PABPC1: variants seen among roughly 807,000 people sequenced by gnomAD.
The protein encoded by PABPC1 is polyadenylate-binding protein 1.
PABPC1 carries 4 observed loss-of-function variants against 74.0 expected under a neutral mutation model. The observed-to-expected ratio is 0.05, with a 90% confidence interval of 0.03 to 0.12. PABPC1 has a LOEUF of 0.12. Ranked by LOEUF, PABPC1 falls within the 10% of genes least tolerant of loss-of-function variation. The probability of loss-of-function intolerance (pLI) is 1.00; values close to 1 mark genes in which losing one functional copy is unlikely to be tolerated. For missense variants in PABPC1, 271 were observed against 821.1 expected (o/e 0.33, Z 8.19); for synonymous variants, 227 against 264.1 (o/e 0.86, Z 1.36).
rs564276728 is a variant in PABPC1, at chr8:100,713,189, AT to A, written c.644-9del. On this transcript the variant is annotated splice_polypyrimidine_tract_variant and intron_variant, in intron 4 of 14. Coordinates refer to ENST00000318607, the MANE Select transcript of PABPC1 (RefSeq NM_002568.4). ...TCACACTTAAGGCAGGCCCTAAAAA[AT>A]TTTTTTACATAAATCAAAGATATTC... is the stretch of plus-strand genomic sequence containing the variant. The A allele has an allele frequency of 1.6e-5, 23 of 1,467,306 alleles. No individual in the cohort carries two copies. In the Admixed American group the frequency reaches 1.7e-4, roughly 11 times the overall value. 90.9% of individuals were successfully genotyped at this position (1,467,306 alleles called of 1,614,324 possible). A position where few individuals can be genotyped will look rare whatever the true frequency, so the allele number is the denominator to read the frequency against.
Position 100,713,201 on chromosome 8 carries a change from A to C in PABPC1, c.644-20T>G. On this transcript the variant is annotated intron_variant, in intron 4 of 14. Transcript: ENST00000318607. ...CAGGCCCTAAAAAATTTTTTTACAT[A>C]AATCAAAGATATTCCATACAACATT... 5 of 1,381,130 alleles carry C rather than the reference A, an allele frequency of 3.6e-6. No homozygotes were observed. Among genetic ancestry groups the C allele is most frequent in the Non-Finnish European group, 4.0e-6 (4 of 994,910 alleles). The allele number at this position is 1,381,130 out of a possible 1,614,324, so 85.6% of individuals were successfully genotyped here. A position where few individuals can be genotyped will look rare whatever the true frequency, so the allele number is the denominator to read the frequency against.
chr8:100,707,396 C>G (rs1810408382), intron 9 of PABPC1, among the ~76,000 whole-genome samples: 1 of 151,786 alleles, frequency 6.6e-6, no homozygotes, highest in Non-Finnish European at 1.5e-5. Flanking sequence ...GGAAACAAAA[C>G]ACAAGGGGCA....
chr8:100,715,604 A>G lies in PABPC1; in HGVS notation c.504-3T>C, dbSNP rs756054839. On this transcript the variant is annotated splice_region_variant and splice_polypyrimidine_tract_variant and intron_variant, in intron 3 of 14. Transcript: ENST00000318607. ...GAGACTTAAATCGTCCAACAAATCT[A>G]ATAAGATATACAAGGACTATAACAT... The G allele has an allele frequency of 2.5e-6, 4 of 1,600,038 alleles. No homozygotes were observed. Among genetic ancestry groups the G allele is most frequent in the East Asian group, 2.2e-5 (1 of 44,780 alleles).
Position 100,712,808 on chromosome 8 carries a change from G to GAAAAAA in PABPC1, c.739-25_739-20dup. 7.3e-7 allele frequency: 1 copy of GAAAAAA among 1,368,436 alleles called. No individual in the cohort carries two copies. Among genetic ancestry groups the GAAAAAA allele is most frequent in the Non-Finnish European group, 9.8e-7 (1 of 1,020,898 alleles). The allele number at this position is 1,368,436 out of a possible 1,614,324, so 84.8% of individuals were successfully genotyped here. ...CCACAGCCTTCCCCCCAAAAAAAAA[G>GAAAAAA]AAAAAAAAAAAATCACAAAACTTTC... On this transcript the variant is annotated intron_variant, in intron 5 of 14. Coordinates refer to ENST00000318607, the MANE Select transcript of PABPC1 (RefSeq NM_002568.4).
chr8:100,709,809 T>C, intron 7 of PABPC1, 78 bp from the exon 8 acceptor site: 1 of 1,348,986 alleles, frequency 7.4e-7, no homozygotes, highest in Non-Finnish European at 1.0e-6. Flanking sequence ...TTTAGACAAT[T>C]ATAAATCACT....
At position 100,706,855 on chromosome 8, in the gene PABPC1, G is replaced by C. The variant is rs537383716; in HGVS notation, c.1447+32C>G. ...TTTTATCTTGCTCTTTCAAATTGGT[G>C]ATCAATTTTTAAAGGAAGGATTAAG... is the stretch of plus-strand genomic sequence containing the variant. On this transcript the variant is annotated intron_variant, in intron 10 of 14. Coordinates refer to ENST00000318607, the MANE Select transcript of PABPC1 (RefSeq NM_002568.4). The C allele has an allele frequency of 1.6e-5, 18 of 1,152,368 alleles. No individual in the cohort carries two copies. In the South Asian group the frequency reaches 2.3e-4, roughly 14 times the overall value. 71.4% of individuals were successfully genotyped at this position (1,152,368 alleles called of 1,614,324 possible).
rs750662880 is a variant in PABPC1 at position 100,712,797 on chromosome 8, C to CA, written c.739-9_739-8insT. ...GTTCATCTCATCCACAGCCTTCCCC[C>CA]CAAAAAAAAAGAAAAAAAAAAAATC... On this transcript the variant is annotated splice_polypyrimidine_tract_variant and intron_variant, in intron 5 of 14. Coordinates refer to ENST00000318607, the MANE Select transcript of PABPC1 (RefSeq NM_002568.4). 19 of 1,480,304 alleles carry CA rather than the reference C, an allele frequency of 1.3e-5. No individual in the cohort carries two copies. Among genetic ancestry groups the CA allele is most frequent in the African/African-American group, 4.2e-5 (2 of 47,184 alleles). The allele number at this position is 1,480,304 out of a possible 1,614,324, so 91.7% of individuals were successfully genotyped here. A position where few individuals can be genotyped will look rare whatever the true frequency, so the allele number is the denominator to read the frequency against.
intron 9 of PABPC1, 103 bp from the exon 10 acceptor site, chr8:100,707,100 A>T: frequency 1.2e-6 from 1 of 817,092 alleles, no homozygotes; most frequent in Non-Finnish European, 1.9e-6. Context: ...AAGACTAAAA[A>T]GTGACAAAAC....
At chr8:100,716,746 T>C (rs958595308) in intron 3 of PABPC1, among the ~76,000 whole-genome samples, 4 of 152,188 alleles carry the variant, frequency 2.6e-5, no homozygotes, top group African/African-American at 9.7e-5. Flanking sequence ...GTAATAGCTG[T>C]TCACAGGCAC....
chr8:100,715,442 A>T lies in PABPC1; in HGVS notation c.643+20T>A. The stretch of plus-strand genomic sequence containing the variant: ...CTAATTCAGAGCTTTGTGTGTAAAA[A>T]TTTAATTAAGACACATTACCAAACT... On this transcript the variant is annotated intron_variant, in intron 4 of 14. Transcript: ENST00000318607. The T allele has an allele frequency of 6.4e-7, 1 of 1,557,262 alleles. No homozygotes were observed. Among genetic ancestry groups the T allele is most frequent in the Non-Finnish European group, 8.7e-7 (1 of 1,147,024 alleles).
intron 9 of PABPC1, 55 bp downstream of exon 9, chr8:100,709,078 C>T: frequency 7.7e-7 from 1 of 1,292,132 alleles, no homozygotes. Context: ...CTGATTTACC[C>T]AATGTGTTAT....
Position 100,717,444 on chromosome 8 carries a change from T to C in PABPC1, c.503+329A>G, listed in dbSNP as rs564154302. Among the ~76,000 whole-genome samples, 7 of 152,390 alleles carry C rather than the reference T, an allele frequency of 4.6e-5. No individual in the cohort carries two copies. In the South Asian group the frequency reaches 1.4e-3, roughly 32 times the overall value. On this transcript the variant is annotated intron_variant, in intron 3 of 14. Transcript: ENST00000318607. ...TAGGTTTGTCTGAATTCCTGATTTT[T>C]CACTAATGCACTCATTTTGAAAAAG...
At chr8:100,707,103 G>T in intron 9 of PABPC1, 106 bp from the exon 10 acceptor site, 1 of 778,964 alleles carries the variant, frequency 1.3e-6, no homozygotes, top group Non-Finnish European at 2.1e-6. Flanking sequence ...ACTAAAAAGT[G>T]ACAAAACTTT....
Position 100,712,694 on chromosome 8 carries a change from G to A in PABPC1, c.834C>T (p.Arg278=). Residue 278 remains arginine, a synonymous_variant, in exon 6 of 15, where the codon CGC becomes CGT. Transcript: ENST00000318607. The part of the protein sequence containing the change: ...KKVERQTELK[R]KFEQMKQDRI... ...TATCTTGTTTCATCTGTTCAAATTT[G>A]CGCTTAAGTTCCGTCTGCCGTTCCA... 3 of 1,571,134 alleles carry A rather than the reference G, an allele frequency of 1.9e-6. No homozygotes were observed. Among genetic ancestry groups the A allele is most frequent in the Non-Finnish European group, 2.6e-6 (3 of 1,164,554 alleles).
At chr8:100,714,307 G>C (rs551054042) in intron 4 of PABPC1, among the ~76,000 whole-genome samples, 1 of 152,216 alleles carries the variant, frequency 6.6e-6, no homozygotes, top group African/African-American at 2.4e-5. Context: ...AAAGGCAGTA[G>C]CTAAATTTGG....
At chr8:100,711,672 C>G (rs1358647207) in intron 7 of PABPC1, among the ~76,000 whole-genome samples, 2 of 152,226 alleles carry the variant, frequency 1.3e-5, no homozygotes, top group Admixed American at 1.3e-4. Context: ...TACTTGTATT[C>G]AACCACCTTT....
At chr8:100,716,534 C>A (rs1381090667) in intron 3 of PABPC1, among the ~76,000 whole-genome samples, 1 of 152,222 alleles carries the variant, frequency 6.6e-6, no homozygotes, top group African/African-American at 2.4e-5. Flanking sequence ...TTCCTTATCT[C>A]TAACCCAGCT....
rs745540127 is a variant in PABPC1 at position 100,717,835 on chromosome 8, C to T, written c.441G>A (p.Thr147=). 17 of 1,613,968 alleles carry T rather than the reference C, an allele frequency of 1.1e-5. No homozygotes were observed. Among genetic ancestry groups the T allele is most frequent in the Admixed American group, 1.7e-5 (1 of 60,012 alleles). Residue 147 remains threonine (T), a synonymous_variant, in exon 3 of 15, where the codon ACG becomes ACA. Transcript: ENST00000318607. ...CAATAGCTCTTTCAGCTGCTTCCTG[C>T]GTCTCAAAGTGTACAAATCCATAGC... The part of the protein sequence containing the change: ...SKGYGFVHFE[T]QEAAERAIEK...
At chr8:100,712,298 T>A in intron 7 of PABPC1, 64 bp downstream of exon 7, 1 of 897,198 alleles carries the variant, frequency 1.1e-6, no homozygotes, top group Non-Finnish European at 1.7e-6. Context: ...AAAATTTATA[T>A]ACATATATCT....
Sources: gnomAD v4.1 joint callset for allele counts (sites outside exome capture counted in the v4.1 genomes callset) on GRCh38, gnomAD v4.1.1 for gene constraint, MANE v1.5 for transcripts, NCBI Gene and HGNC (gene_info 2026-07-23, HGNC 2026-07-21) for gene names.